ITGA11: variants seen among roughly 807,000 people sequenced by gnomAD.
ITGA11 encodes integrin alpha-11.
Under a neutral mutation model 141.9 loss-of-function variants are expected in ITGA11, and 97 were observed. The ratio of observed to expected loss-of-function variants is 0.68; its 90% CI spans 0.58 to 0.81. The LOEUF (loss-of-function observed/expected upper bound fraction) is 0.81, where lower values mean the gene tolerates loss of function less well. Ranked by LOEUF, ITGA11 falls within the 30% of genes least tolerant of loss-of-function variation. ITGA11 has a pLI of 0.00. For missense variants in ITGA11, 1,387 were observed against 1,559.2 expected (o/e 0.89, Z 1.86); for synonymous variants, 658 against 624.6 (o/e 1.05, Z -0.80).
Position 68,322,343 on chromosome 15 carries a change from G to A in ITGA11, c.2323-840C>T, listed in dbSNP as rs1893839658. 6.6e-6 allele frequency among the ~76,000 whole-genome samples: 1 copy of A among 152,144 alleles called. No homozygotes were observed. The highest frequency in any genetic ancestry group is 1.5e-5 in the Non-Finnish European group (1 of 68,024). ...CTGTGGGAGAATGGAGTGAGAAGAT[G>A]GAGGCTCGAGGCAGGGAGACCATTG... On this transcript the variant is annotated intron_variant, in intron 18 of 29. Coordinates refer to ENST00000315757, the MANE Select transcript of ITGA11 (RefSeq NM_001004439.2). This position sits in a 1 kb window ranked among gnomAD's most constrained non-coding sequence, Gnocchi z 5.6.
At chr15:68,371,438 T>C (rs1895586411) in intron 2 of ITGA11, among the ~76,000 whole-genome samples, 1 of 151,956 alleles carries the variant, frequency 6.6e-6, no homozygotes, top group Non-Finnish European at 1.5e-5. Context: ...GCCAGCTGGG[T>C]GCAGTGGCTC....
chr15:68,365,815 A>C (rs1314737991), intron 3 of ITGA11, among the ~76,000 whole-genome samples: 1 of 151,642 alleles, frequency 6.6e-6, no homozygotes, highest in Non-Finnish European at 1.5e-5. Flanking sequence ...GGCTCACTGC[A>C]ATCTCCAACT....
At chr15:68,413,643 C>G (rs1316101706) in intron 1 of ITGA11, among the ~76,000 whole-genome samples, 1 of 152,196 alleles carries the variant, frequency 6.6e-6, no homozygotes, top group African/African-American at 2.4e-5. Flanking sequence ...GCTTCCCCAT[C>G]TGTAAAATGA....
chr15:68,357,377 C>A, intron 6 of ITGA11, 78 bp from the exon 7 acceptor site: 1 of 1,522,822 alleles, frequency 6.6e-7, no homozygotes, highest in East Asian at 2.3e-5. Context: ...AGTGAGGATC[C>A]CCGGGAGTTG....
rs753111638 is a variant in ITGA11, at chr15:68,308,603, C to T, written c.3175-907G>A. Among the ~76,000 whole-genome samples the T allele has an allele frequency of 2.0e-5, 3 of 152,022 alleles. No homozygotes were observed. Among genetic ancestry groups the T allele is most frequent in the African/African-American group, 4.8e-5 (2 of 41,374 alleles). On this transcript the variant is annotated intron_variant, in intron 26 of 29. Coordinates refer to ENST00000315757, the MANE Select transcript of ITGA11 (RefSeq NM_001004439.2). The surrounding 1 kb of genome is among the most constrained non-coding windows in gnomAD (Gnocchi z 5.2). The stretch of plus-strand genomic sequence containing the variant: ...AAAAAAATACAAAAAATTAGCCAGC[C>T]GTGGTGGCACGCGCCTGTAGTCCCA...
chr15:68,321,514 G>A lies in ITGA11; in HGVS notation c.2323-11C>T, dbSNP rs1893812853. The A allele has an allele frequency of 2.5e-6, 4 of 1,588,610 alleles. No homozygotes were observed. The highest frequency in any genetic ancestry group is 2.7e-5 in the African/African-American group (2 of 72,956). On this transcript the variant is annotated splice_polypyrimidine_tract_variant and intron_variant, in intron 18 of 29. Coordinates refer to ENST00000315757, the MANE Select transcript of ITGA11 (RefSeq NM_001004439.2). The surrounding 1 kb of genome is among the most constrained non-coding windows in gnomAD (Gnocchi z 4.9). ...GTTCCAGAAGGGCACCTGGGCCAGG[G>A]AGAGCCAGGTGTGGGCAGCTGGGTA...
Position 68,328,121 on chromosome 15 carries a change from T to A in ITGA11, c.2043A>T (p.Ala681=). ...CAACAGTTGTTGTTTGGAAATGGGGTGCCAGGAAGATGGGCGTGAAGCAGA... is the reference window on the plus strand; with the variant it reads ...CAACAGTTGTTGTTTGGAAATGGGGAGCCAGGAAGATGGGCGTGAAGCAGA... ...AFLCFTPIFL[A]PHFQTTTVGI... The change falls in exon 16 of 30, where the codon GCA becomes GCT. Residue 681 remains alanine, a synonymous_variant. Coordinates refer to ENST00000315757, the MANE Select transcript of ITGA11 (RefSeq NM_001004439.2). This position sits in a 1 kb window ranked among gnomAD's most constrained non-coding sequence, Gnocchi z 4.8. The A allele has an allele frequency of 6.2e-7, 1 of 1,613,608 alleles. No individual in the cohort carries two copies. Among genetic ancestry groups the A allele is most frequent in the Non-Finnish European group, 8.5e-7 (1 of 1,179,822 alleles).
intron 21 of ITGA11, 113 bp downstream of exon 21, chr15:68,317,152 C>T: frequency 1.3e-6 from 1 of 766,390 alleles, no homozygotes; most frequent in South Asian, 1.5e-5. Context: ...TCAGGCCTCC[C>T]ATCCCTCCCT....
chr15:68,315,131 G>C (rs1893530096), intron 22 of ITGA11, among the ~76,000 whole-genome samples: 1 of 152,192 alleles, frequency 6.6e-6, no homozygotes, highest in East Asian at 1.9e-4. Context: ...AAAAAGGGGA[G>C]AGAGGTGACT....
chr15:68,374,738 T>C (rs1307432455), intron 2 of ITGA11, among the ~76,000 whole-genome samples: 1 of 152,154 alleles, frequency 6.6e-6, no homozygotes, highest in African/African-American at 2.4e-5. Flanking sequence ...CTGCAGGAGA[T>C]CCTGAGACCA....
intron 2 of ITGA11, among the ~76,000 whole-genome samples, chr15:68,374,446 G>C (rs4776402): frequency 0.77 from 117,798 of 152,110 alleles, 46,179 homozygotes; most frequent in East Asian, 0.9. Context: ...CCAAGGCCAG[G>C]GAGAGAAGTG....
intron 3 of ITGA11, 93 bp downstream of exon 3, chr15:68,369,091 T>G: frequency 2.4e-6 from 2 of 842,970 alleles, no homozygotes; most frequent in East Asian, 2.5e-5. Context: ...CAGGAAGGAG[T>G]CAGTGTGACC....
At chr15:68,414,175 T>A (rs1320523598) in intron 1 of ITGA11, among the ~76,000 whole-genome samples, 1 of 152,164 alleles carries the variant, frequency 6.6e-6, no homozygotes, top group African/African-American at 2.4e-5. Flanking sequence ...GAGGGCAACA[T>A]GGCTGCCATC....
intron 7 of ITGA11, among the ~76,000 whole-genome samples, chr15:68,356,768 C>T (rs1346568224): frequency 6.6e-6 from 1 of 152,150 alleles, no homozygotes; most frequent in Non-Finnish European, 1.5e-5. Context: ...CAGGTCCTGC[C>T]TGGGCCTCTT....
Position 68,350,644 on chromosome 15 carries a change from G to A in ITGA11, c.1033C>T (p.Leu345=), listed in dbSNP as rs1418832021. The stretch of plus-strand genomic sequence containing the variant: ...TCCAGGCTGAAGATTCTGTCCCCCA[G>A]GGCATCGACAATGTCCTTCAAGGCA... The part of the protein sequence containing the change: ...EAALKDIVDA[L]GDRIFSLEGT... The change falls in exon 9 of 30, where the codon CTG becomes TTG. Residue 345 remains leucine, a synonymous_variant. Transcript: ENST00000315757. 17 of 1,613,884 alleles carry A rather than the reference G, an allele frequency of 1.1e-5. No homozygotes were observed. Among genetic ancestry groups the A allele is most frequent in the Non-Finnish European group, 1.4e-5 (16 of 1,179,812 alleles).
In ITGA11 at chr15:68,317,297, C is replaced by A; in HGVS notation, c.2683G>T (p.Val895Phe). The A allele has an allele frequency of 1.9e-6, 3 of 1,613,730 alleles. No individual in the cohort carries two copies. Among genetic ancestry groups the A allele is most frequent in the Non-Finnish European group, 2.5e-6 (3 of 1,179,698 alleles). Residue 895 changes from valine to phenylalanine, a missense_variant, in exon 21 of 30, where the codon GTC becomes TTC. Physicochemically the swap from Val to Phe is conservative, Grantham distance 50. Coordinates refer to ENST00000315757, the MANE Select transcript of ITGA11 (RefSeq NM_001004439.2). ...ERRLQKQVCN[V>F]SYPFFRAKAK... is the part of the protein sequence containing the mutation. ...TTGGCCCGGAAGAAGGGATAGCTGA[C>A]GTTGCAGACTTGCTTCTGGAGCCTC...
In ITGA11 at chr15:68,324,990, T is replaced by G. The variant is rs1595859446; in HGVS notation, c.2322+141A>C. On this transcript the variant is annotated intron_variant, in intron 18 of 29. Transcript: ENST00000315757. The surrounding 1 kb of genome is among the most constrained non-coding windows in gnomAD (Gnocchi z 6.3). ...AGGCAGGAAGGAGCCACACTGTGGGTTTGCCAGGACAGGAGGTGGGAAGGT... is the reference window on the plus strand; with the variant it reads ...AGGCAGGAAGGAGCCACACTGTGGGGTTGCCAGGACAGGAGGTGGGAAGGT... The G allele has an allele frequency of 1.5e-6, 1 of 671,990 alleles. No homozygotes were observed. The allele number at this position is 671,990 out of a possible 1,614,324, so 41.6% of individuals were successfully genotyped here.
Position 68,307,277 on chromosome 15 carries a change from G to A in ITGA11, c.3381+71C>T. The stretch of plus-strand genomic sequence containing the variant: ...CCAGGGGTTGTAGGAAAACTCTATA[G>A]AGGAGCACGGCCAACCCTTTCCCAA... On this transcript the variant is annotated intron_variant, in intron 28 of 29. Coordinates refer to ENST00000315757, the MANE Select transcript of ITGA11 (RefSeq NM_001004439.2). This position sits in a 1 kb window ranked among gnomAD's most constrained non-coding sequence, Gnocchi z 6.1. 1.8e-6 allele frequency: 2 copies of A among 1,109,806 alleles called. No homozygotes were observed. Among genetic ancestry groups the A allele is most frequent in the Non-Finnish European group, 2.7e-6 (2 of 753,000 alleles). The allele number at this position is 1,109,806 out of a possible 1,614,324, so 68.7% of individuals were successfully genotyped here. A position where few individuals can be genotyped will look rare whatever the true frequency, so the allele number is the denominator to read the frequency against.
chr15:68,320,467 G>A (rs1893767144), intron 19 of ITGA11, 75 bp from the exon 20 acceptor site: 13 of 1,320,192 alleles, frequency 9.8e-6, no homozygotes, highest in Admixed American at 4.2e-5. Context: ...CCCAGGGTTG[G>A]GGCAAAAAGG....
Sources: allele counts gnomAD v4.1 joint callset (sites outside exome capture counted in the v4.1 genomes callset), GRCh38; gene constraint gnomAD v4.1.1; non-coding constraint Gnocchi (gnomAD v3.1); transcripts MANE v1.5; gene names NCBI Gene and HGNC (gene_info 2026-07-23, HGNC 2026-07-21).